RGPD3: variants seen among roughly 807,000 people sequenced by gnomAD.
RGPD3 encodes ranBP2-like and GRIP domain-containing protein 3.
RGPD3 carries 62 observed loss-of-function variants against 154.5 expected under a neutral mutation model. The observed-to-expected ratio is 0.40, with a 90% CI of 0.33 to 0.50. The LOEUF is 0.50. Ranked by LOEUF, RGPD3 falls within the 20% of genes least tolerant of loss-of-function variation. The pLI is 0.59. For missense variants in RGPD3, 919 were observed against 1,716.8 expected (o/e 0.54, Z 8.21); for synonymous variants, 308 against 607.0 (o/e 0.51, Z 7.24).
chr2:106,405,603 T>C (rs1260311719), intron 22 of RGPD3, among the ~76,000 whole-genome samples: 16 of 151,754 alleles, frequency 1.1e-4, no homozygotes, highest in African/African-American at 3.7e-4. Context: ...CTCAAATTCC[T>C]GGGCTCAAGT....
upstream of RGPD3, among the ~76,000 whole-genome samples, chr2:106,469,404 C>T (rs920059531): frequency 6.6e-6 from 1 of 152,206 alleles, no homozygotes; most frequent in Non-Finnish European, 1.5e-5. Flanking sequence ...ACAAAACACT[C>T]TGACGCTTCT....
At chr2:106,442,441 C>T (rs1382599400) in intron 7 of RGPD3, among the ~76,000 whole-genome samples, 2 of 120,202 alleles carry the variant, frequency 1.7e-5, no homozygotes, top group African/African-American at 6.5e-5. Flanking sequence ...TAGGGGATAG[C>T]ACTGGAATAA....
chr2:106,464,603 C>G (rs1432572841), intron 1 of RGPD3, among the ~76,000 whole-genome samples: 1 of 151,424 alleles, frequency 6.6e-6, no homozygotes, highest in Non-Finnish European at 1.5e-5. Flanking sequence ...TAAGAGCTGT[C>G]AAGTAGACTT....
At chr2:106,410,378 G>T (rs1019984915) in intron 22 of RGPD3, among the ~76,000 whole-genome samples, 1 of 152,072 alleles carries the variant, frequency 6.6e-6, no homozygotes, top group South Asian at 2.1e-4. Context: ...AGAGTTCTGG[G>T]TTTCTAATGT....
chr2:106,414,985 G>C (rs1452883198), intron 21 of RGPD3, among the ~76,000 whole-genome samples: 1 of 152,056 alleles, frequency 6.6e-6, no homozygotes, highest in African/African-American at 2.4e-5. Flanking sequence ...AATAATATAC[G>C]TAGAGCCCAG....
At chr2:106,451,079 C>T (rs1678105940) in intron 6 of RGPD3, among the ~76,000 whole-genome samples, 2 of 89,946 alleles carry the variant, frequency 2.2e-5, no homozygotes, top group African/African-American at 8.1e-5. Flanking sequence ...CAGAGCAAGA[C>T]TCCCTCTCAA....
In RGPD3 at chr2:106,405,233, T is replaced by A. The variant is rs770706284; in HGVS notation, c.5267-4A>T. ...CGGGAAGCATTTTATTCCTCACCTT[T>A]GGAAAGTAAAACAAAAAAAAAGAAA... is the stretch of plus-strand genomic sequence containing the variant. On this transcript the variant is annotated splice_polypyrimidine_tract_variant and splice_region_variant and intron_variant, in intron 22 of 22. Transcript: ENST00000409886. The A allele has an allele frequency of 1.3e-5, 21 of 1,605,700 alleles. No individual in the cohort carries two copies. The highest frequency in any genetic ancestry group is 1.8e-5 in the Non-Finnish European group (21 of 1,178,044).
At chr2:106,448,266 C>T (rs1459616002) in intron 6 of RGPD3, among the ~76,000 whole-genome samples, 2 of 152,200 alleles carry the variant, frequency 1.3e-5, no homozygotes, top group Non-Finnish European at 2.9e-5. Flanking sequence ...TGCCACCATG[C>T]CCCGCTAAAC....
intron 1 of RGPD3, among the ~76,000 whole-genome samples, chr2:106,465,398 TG>T (rs199735247): frequency 0.039 from 5,925 of 152,100 alleles, 257 homozygotes; most frequent in East Asian, 0.21. Context: ...GTAAGAGAGG[TG>T]GTCATAATAA....
intron 17 of RGPD3, among the ~76,000 whole-genome samples, 191 bp from the exon 18 acceptor site, chr2:106,429,972 C>T (rs1476159560): frequency 2.0e-5 from 3 of 152,062 alleles, no homozygotes; most frequent in African/African-American, 7.2e-5. Flanking sequence ...CAACCTCCAC[C>T]TCCTGGGCTC....
Position 106,415,875 on chromosome 2 carries a change from T to C in RGPD3, c.5039A>G (p.Asn1680Ser), listed in dbSNP as rs199544143. The C allele has an allele frequency of 8.1e-6, 13 of 1,611,924 alleles. No homozygotes were observed. The highest frequency in any genetic ancestry group is 2.2e-5 in the East Asian group (1 of 44,866). ...NGLLREIEAT[N>S]AVLMEQIKLL... is the part of the protein sequence containing the mutation. ...CTTAATTTGCTCCATAAGGACTGCA[T>C]TGGTTGCCTCTATTTCCCGAAGCAG... Residue 1680 changes from asparagine (N) to serine (S), a missense_variant, in exon 21 of 23, where the codon AAT becomes AGT. Coordinates refer to ENST00000409886, the MANE Select transcript of RGPD3 (RefSeq NM_001144013.2).
At position 106,405,101 on chromosome 2, in the gene RGPD3, A is replaced by C. The variant is rs560396129; in HGVS notation, c.*118T>G. 6.2e-5 allele frequency: 89 copies of C among 1,429,850 alleles called. 1 individual carries two copies. In the African/African-American group the frequency reaches 1.2e-3, roughly 19 times the overall value. 88.6% of individuals were successfully genotyped at this position (1,429,850 alleles called of 1,614,324 possible). On this transcript the variant is annotated 3_prime_UTR_variant, in exon 23 of 23. Coordinates refer to ENST00000409886, the MANE Select transcript of RGPD3 (RefSeq NM_001144013.2). ...TGACAAAAGAATGATGGTAATACAC[A>C]TGAACCATTTTTGTAAATAGATTTT...
intron 22 of RGPD3, among the ~76,000 whole-genome samples, chr2:106,412,316 T>TG (rs1676698176): frequency 3.7e-5 from 4 of 106,674 alleles, no homozygotes; most frequent in Admixed American, 1.1e-4. Context: ...TTTTTTTTTT[T>TG]TTTTTTTTTT....
chr2:106,462,754 C>G (rs1678442317), intron 1 of RGPD3, among the ~76,000 whole-genome samples: 1 of 151,934 alleles, frequency 6.6e-6, no homozygotes, highest in Non-Finnish European at 1.5e-5. Flanking sequence ...GAATCTCCCT[C>G]CCCCTAAAAT....
intron 7 of RGPD3, among the ~76,000 whole-genome samples, chr2:106,444,774 A>G (rs1374066347): frequency 6.6e-6 from 1 of 150,772 alleles, no homozygotes; most frequent in Non-Finnish European, 1.5e-5. Context: ...GGATGCAGTG[A>G]GCTATGATCA....
intron 1 of RGPD3, among the ~76,000 whole-genome samples, chr2:106,462,514 T>C (rs1044878070): frequency 6.6e-6 from 1 of 151,020 alleles, no homozygotes; most frequent in African/African-American, 2.4e-5. Context: ...AATACCTGAA[T>C]TCACTTAAGC....
At chr2:106,468,532 G>A (rs911702743), upstream of RGPD3, among the ~76,000 whole-genome samples, 20 of 152,202 alleles carry the variant, frequency 1.3e-4, no homozygotes, top group South Asian at 2.1e-4. Context: ...CCCGCCGGGC[G>A]CCGTGGCTCA....
At chr2:106,466,466 C>G (rs1483813335) in intron 1 of RGPD3, among the ~76,000 whole-genome samples, 5 of 99,994 alleles carry the variant, frequency 5.0e-5, no homozygotes, top group African/African-American at 1.1e-4. Context: ...TGGGCCGGGT[C>G]GAGGCCGGCG....
At chr2:106,434,144 A>G in intron 15 of RGPD3, 84 bp downstream of exon 15, 15 of 1,598,268 alleles carry the variant, frequency 9.4e-6, no homozygotes, top group Middle Eastern at 2.3e-4. Flanking sequence ...GTATTTTTTG[A>G]AATTACCAAA....
Sources: allele counts gnomAD v4.1 joint callset (sites outside exome capture counted in the v4.1 genomes callset), GRCh38; gene constraint gnomAD v4.1.1; transcripts MANE v1.5; gene names NCBI Gene and HGNC (gene_info 2026-07-23, HGNC 2026-07-21).